Variants in IARS1 observed in about 807,000 individuals in gnomAD.
The protein encoded by IARS1 is isoleucine--tRNA ligase, cytoplasmic.
A neutral mutation model predicts 168.2 loss-of-function variants in IARS1; 124 were observed. That is an observed-to-expected ratio of 0.74 (90% confidence interval 0.64 to 0.86). IARS1 has a LOEUF of 0.86. Ranked by LOEUF, IARS1 falls within the 40% of genes least tolerant of loss-of-function variation. The pLI, the probability that IARS1 is intolerant of heterozygous loss-of-function variation, is 0.00. For missense variants in IARS1, 1,452 were observed against 1,515.8 expected, an observed-to-expected ratio of 0.96 and a Z score of 0.70; for synonymous variants, 532 against 529.4, an observed-to-expected ratio of 1.00 and a Z score of -0.07.
At chr9:92,224,231 C>T (rs117984887) in intron 31 of IARS1, among the ~76,000 whole-genome samples, 6 of 152,154 alleles carry the variant, frequency 3.9e-5, no homozygotes, top group South Asian at 2.1e-4. Flanking sequence ...CTGCACAATA[C>T]GCTGTATCAT....
intron 6 of IARS1, among the ~76,000 whole-genome samples, chr9:92,283,306 A>G (rs1834931947): frequency 6.6e-6 from 1 of 152,198 alleles, no homozygotes; most frequent in African/African-American, 2.4e-5. Context: ...TTTGCAGAGG[A>G]AAGTTTCCCA....
At position 92,242,182 on chromosome 9, in the gene IARS1, T is replaced by C. The variant is rs376036840; in HGVS notation, c.3149A>G (p.Asp1050Gly). 6.2e-7 allele frequency: 1 copy of C among 1,614,056 alleles called. No individual in the cohort carries two copies. Among genetic ancestry groups the C allele is most frequent in the Non-Finnish European group, 8.5e-7 (1 of 1,179,940 alleles). The change falls in exon 29 of 34, where the codon GAT (aspartate) becomes GGT (glycine). Residue 1050 changes from aspartate to glycine, a missense_variant. By Grantham distance (94) the Asp-to-Gly change is moderately conservative. Coordinates refer to ENST00000443024, the MANE Select transcript of IARS1 (RefSeq NM_002161.6). ...PLKPYPVSPS[D>G]KVLIQEKTQL... ...TGTTTTTTCTTGAATAAGGACTTTA[T>C]CCGATGGAGAAACTGGATATGGTTT... is the stretch of plus-strand genomic sequence containing the variant.
chr9:92,271,140 C>A, intron 11 of IARS1, 64 bp from the exon 12 acceptor site: 1 of 920,032 alleles, frequency 1.1e-6, no homozygotes, highest in South Asian at 1.9e-5. Flanking sequence ...CAATATATTA[C>A]TAGAATCTGA....
Position 92,268,218 on chromosome 9 carries a change from A to G in IARS1, c.1387T>C (p.Trp463Arg). The change falls in exon 14 of 34, where the codon TGG becomes CGG. Residue 463 changes from tryptophan (W) to arginine (R), a missense_variant. Physicochemically the swap from Trp to Arg is moderately radical, Grantham distance 101. Coordinates refer to ENST00000443024, the MANE Select transcript of IARS1 (RefSeq NM_002161.6). ...RDWTISRNRY[W>R]GTPIPLWVSD... ...ACCCACAGTGGGATGGGGGTGCCCC[A>G]GTATCTGTTTCTGGAAATTGTCCAG... 6.2e-7 allele frequency: 1 copy of G among 1,611,406 alleles called. No homozygotes were observed. Among genetic ancestry groups the G allele is most frequent in the Non-Finnish European group, 8.5e-7 (1 of 1,179,366 alleles).
chr9:92,222,340 CAAAAAAAAAA>C (rs60335070), intron 33 of IARS1, among the ~76,000 whole-genome samples, 170 bp downstream of exon 33: 1 of 55,372 alleles, frequency 1.8e-5, no homozygotes, highest in Non-Finnish European at 3.2e-5. Context: ...GACTCAGTCT[CAAAAAAAAAA>C]AAAAAAAAAA....
At chr9:92,228,974 C>A in intron 31 of IARS1, 27 bp downstream of exon 31, 1 of 1,613,142 alleles carries the variant, frequency 6.2e-7, no homozygotes, top group South Asian at 1.1e-5. Context: ...AGTCAAAGGA[C>A]GTAGGCTCCT....
intron 31 of IARS1, among the ~76,000 whole-genome samples, chr9:92,228,697 G>C (rs1826142431): frequency 6.6e-6 from 1 of 152,200 alleles, no homozygotes; most frequent in South Asian, 2.1e-4. Flanking sequence ...ATGGGTGACA[G>C]AGTGAGACCC....
chr9:92,244,711 A>T (rs886726378), intron 27 of IARS1, among the ~76,000 whole-genome samples: 1 of 152,138 alleles, frequency 6.6e-6, no homozygotes, highest in Non-Finnish European at 1.5e-5. Flanking sequence ...TTTTTGTGCA[A>T]CCCCACACTT....
At chr9:92,237,057 G>A (rs533537755) in intron 30 of IARS1, among the ~76,000 whole-genome samples, 11 of 152,178 alleles carry the variant, frequency 7.2e-5, no homozygotes, top group African/African-American at 2.4e-4. Flanking sequence ...CAATTGCACT[G>A]ATCTCTTATT....
At chr9:92,229,719 T>G (rs1042553631) in intron 30 of IARS1, among the ~76,000 whole-genome samples, 2 of 152,322 alleles carry the variant, frequency 1.3e-5, no homozygotes, top group Admixed American at 6.5e-5. Flanking sequence ...CAGTTTCCCC[T>G]AATGGTGACA....
At chr9:92,271,723 A>T in intron 10 of IARS1, 68 bp from the exon 11 acceptor site, 1 of 1,504,594 alleles carries the variant, frequency 6.6e-7, no homozygotes. Context: ...GAGGTAATAG[A>T]TTCCCAAGAT....
At chr9:92,291,562 A>G (rs545719470) in intron 1 of IARS1, among the ~76,000 whole-genome samples, 106 of 152,322 alleles carry the variant, frequency 7.0e-4, no homozygotes, top group Admixed American at 2.5e-3. Context: ...TGATCACAGT[A>G]TGCCATTAAA....
In IARS1 at chr9:92,285,721, C is replaced by A. The variant is rs1221983231; in HGVS notation, c.597+1G>T. ...GAATAATGTCTCTACATTTCACGTA[C>A]CTTATAATTCTGGTGTGACTCGAAG... On this transcript the variant is annotated splice_donor_variant, in intron 6 of 33. Transcript: ENST00000443024. LOFTEE classifies it high-confidence loss of function. 5 of 1,567,640 alleles carry A rather than the reference C, an allele frequency of 3.2e-6. No individual in the cohort carries two copies. The African/African-American group carries it at 5.4e-5, about 17-fold the overall frequency.
intron 30 of IARS1, among the ~76,000 whole-genome samples, 183 bp from the exon 31 acceptor site, chr9:92,229,309 GATAT>G (rs1370036803): frequency 1.3e-5 from 2 of 149,464 alleles, no homozygotes; most frequent in Non-Finnish European, 3.0e-5. Context: ...ACCAAGGATG[GATAT>G]ATATACATAT....
At chr9:92,266,080 C>T (rs1337207769) in intron 14 of IARS1, among the ~76,000 whole-genome samples, 1 of 152,252 alleles carries the variant, frequency 6.6e-6, no homozygotes, top group African/African-American at 2.4e-5. Flanking sequence ...AGGGTTGCCA[C>T]TGCTCCTCTG....
chr9:92,226,803 CCTT>C (rs1356191291), intron 31 of IARS1, among the ~76,000 whole-genome samples: 6 of 151,352 alleles, frequency 4.0e-5, no homozygotes, highest in South Asian at 2.1e-4. Context: ...CACATGGCCA[CCTT>C]CTTTTTTTTT....
At chr9:92,211,699 A>G (rs1033637512) in intron 33 of IARS1, among the ~76,000 whole-genome samples, 8 of 152,216 alleles carry the variant, frequency 5.3e-5, no homozygotes, top group African/African-American at 9.6e-5. Context: ...ATGTCTACAA[A>G]AAAAGCCTAG....
At chr9:92,289,144 T>C (rs1261646398) in intron 2 of IARS1, among the ~76,000 whole-genome samples, 157 bp downstream of exon 2, 1 of 138,026 alleles carries the variant, frequency 7.2e-6, no homozygotes, top group African/African-American at 2.9e-5. Flanking sequence ...GAGGCAGAGG[T>C]AGCAGTGAGC....
chr9:92,246,622 T>C (rs926733135), intron 26 of IARS1, among the ~76,000 whole-genome samples: 43 of 152,196 alleles, frequency 2.8e-4, no homozygotes, highest in African/African-American at 1.0e-3. Context: ...ACCATGAAAG[T>C]AAGGACAAAA....
Sources: gnomAD v4.1 joint callset for allele counts (sites outside exome capture counted in the v4.1 genomes callset) on GRCh38, gnomAD v4.1.1 for gene constraint, MANE v1.5 for transcripts, NCBI Gene and HGNC (gene_info 2026-07-23, HGNC 2026-07-21) for gene names.